The following MTSS1 variants were observed in gnomAD, a reference collection of about 807,000 sequenced individuals.
MTSS1 encodes the protein MTSS I-BAR domain containing 1.
In MTSS1, 18 loss-of-function variants were observed where a neutral mutation model predicts 79.0. The ratio of observed to expected loss-of-function variants is 0.23; its 90% CI spans 0.16 to 0.34. The LOEUF is 0.34. Among genes scored for constraint, MTSS1 ranks in the 10% least tolerant of loss-of-function variants. MTSS1 has a pLI of 1.00. For synonymous variants in MTSS1, 341 were observed against 368.6 expected (o/e 0.93, Z 0.86); for missense variants, 815 against 986.2 (o/e 0.83, Z 2.33).
chr8:124,554,705 G>A (rs144278126), intron 13 of MTSS1, among the ~76,000 whole-genome samples: 1 of 152,280 alleles, frequency 6.6e-6, no homozygotes, highest in Non-Finnish European at 1.5e-5. Context: ...CTACTTATTG[G>A]TTGTGTGAAT....
chr8:124,612,075 A>T (rs1053149523), intron 3 of MTSS1, among the ~76,000 whole-genome samples: 5 of 143,310 alleles, frequency 3.5e-5, no homozygotes, highest in African/African-American at 1.5e-4. Context: ...GTACTTAATT[A>T]GCAAACTTTA....
intron 3 of MTSS1, among the ~76,000 whole-genome samples, chr8:124,622,884 A>G (rs1813876954): frequency 6.6e-6 from 1 of 152,162 alleles, no homozygotes; most frequent in East Asian, 1.9e-4. Context: ...TCAAAACTTC[A>G]TGTTGTACAC....
At chr8:124,707,601 C>T (rs1384119078) in intron 1 of MTSS1, among the ~76,000 whole-genome samples, 4 of 151,848 alleles carry the variant, frequency 2.6e-5, no homozygotes, top group Admixed American at 6.6e-5. Context: ...CCCAGCTACT[C>T]GGGAGGCTGA....
chr8:124,596,150 C>T (rs773426723), intron 3 of MTSS1, among the ~76,000 whole-genome samples: 9 of 152,218 alleles, frequency 5.9e-5, no homozygotes, highest in Non-Finnish European at 1.2e-4. Context: ...TGCTCTTCCT[C>T]TGGGCCTGGC....
intron 10 of MTSS1, among the ~76,000 whole-genome samples, chr8:124,559,237 G>T (rs3793397): frequency 0.64 from 96,875 of 151,768 alleles, 31,260 homozygotes; most frequent in East Asian, 0.75. Flanking sequence ...TCCCCAGGGA[G>T]GCCCCGCCTG....
intron 3 of MTSS1, among the ~76,000 whole-genome samples, chr8:124,671,554 C>T (rs775604218): frequency 6.6e-6 from 1 of 152,218 alleles, no homozygotes; most frequent in Non-Finnish European, 1.5e-5. Context: ...GGAAAGATAA[C>T]TTTTCTGAAG....
chr8:124,710,833 G>C (rs558862054), intron 1 of MTSS1, among the ~76,000 whole-genome samples: 6 of 152,304 alleles, frequency 3.9e-5, no homozygotes, highest in African/African-American at 1.4e-4. Context: ...AACTGCCAGA[G>C]AAAGGGCAAC....
intron 3 of MTSS1, among the ~76,000 whole-genome samples, chr8:124,676,167 T>A (rs1825252198): frequency 6.6e-6 from 1 of 152,210 alleles, no homozygotes; most frequent in African/African-American, 2.4e-5. Context: ...TAAAAAGGTA[T>A]TGATTAATAA....
At chr8:124,714,470 GT>G (rs1421405941) in intron 1 of MTSS1, among the ~76,000 whole-genome samples, 1 of 151,976 alleles carries the variant, frequency 6.6e-6, no homozygotes, top group African/African-American at 2.4e-5. Flanking sequence ...TTTTGTTTTT[GT>G]TTTTGTTTTG....
chr8:124,570,189 T>A (rs1322358837), intron 6 of MTSS1, among the ~76,000 whole-genome samples: 4 of 152,216 alleles, frequency 2.6e-5, no homozygotes, highest in Non-Finnish European at 5.9e-5. Flanking sequence ...AAGTTCTAAG[T>A]TAGCACATTA....
Position 124,552,954 on chromosome 8 carries a change from G to T in MTSS1, c.*38C>A, listed in dbSNP as rs1554626323. 2 of 1,579,546 alleles carry T rather than the reference G, an allele frequency of 1.3e-6. No homozygotes were observed. The highest frequency in any genetic ancestry group is 1.7e-6 in the Non-Finnish European group (2 of 1,155,758). ...TCAAGACAAATTAGGTTTTATTAATGAAACAGTTCATTCCCCACCGGCGCA... is the reference window on the plus strand; with the variant it reads ...TCAAGACAAATTAGGTTTTATTAATTAAACAGTTCATTCCCCACCGGCGCA... On this transcript the variant is annotated 3_prime_UTR_variant, in exon 14 of 14. Transcript: ENST00000518547.
intron 5 of MTSS1, among the ~76,000 whole-genome samples, chr8:124,586,753 T>C (rs551173357): frequency 6.6e-6 from 1 of 152,336 alleles, no homozygotes; most frequent in South Asian, 2.1e-4. Context: ...TTAGCAGGTA[T>C]GCAGGCCGGA....
intron 6 of MTSS1, among the ~76,000 whole-genome samples, chr8:124,576,700 T>C (rs1829023924): frequency 6.6e-6 from 1 of 152,192 alleles, no homozygotes; most frequent in Non-Finnish European, 1.5e-5. Context: ...CAATTAGTCC[T>C]ACAAAAACCA....
At chr8:124,678,630 C>T (rs1223558382) in intron 3 of MTSS1, among the ~76,000 whole-genome samples, 1 of 152,186 alleles carries the variant, frequency 6.6e-6, no homozygotes. Flanking sequence ...GAAAACCCAC[C>T]CTTGTGATTC....
chr8:124,619,925 A>C (rs1361137586), intron 3 of MTSS1, among the ~76,000 whole-genome samples: 1 of 136,662 alleles, frequency 7.3e-6, no homozygotes, highest in Non-Finnish European at 1.5e-5. Context: ...AAATTACAGC[A>C]CAACTGTTTT....
intron 3 of MTSS1, among the ~76,000 whole-genome samples, chr8:124,602,698 C>A (rs754608279): frequency 7.9e-5 from 12 of 152,278 alleles, no homozygotes; most frequent in Admixed American, 1.3e-4. Flanking sequence ...GCTAGCCAGA[C>A]CTCGGCTAGA....
intron 1 of MTSS1, among the ~76,000 whole-genome samples, chr8:124,707,416 C>A (rs913452444): frequency 6.8e-4 from 95 of 140,384 alleles, no homozygotes; most frequent in Admixed American, 1.2e-3. Context: ...AACAAACAAA[C>A]AAACAAAAAA....
At chr8:124,570,264 A>G (rs989265637) in intron 6 of MTSS1, among the ~76,000 whole-genome samples, 2 of 152,220 alleles carry the variant, frequency 1.3e-5, no homozygotes, top group Non-Finnish European at 2.9e-5. Flanking sequence ...TACAGTATGG[A>G]CAGCTTTGTG....
chr8:124,663,795 G>A (rs575660562), intron 3 of MTSS1, among the ~76,000 whole-genome samples: 10 of 152,232 alleles, frequency 6.6e-5, no homozygotes, highest in African/African-American at 7.2e-5. Flanking sequence ...TGAGTAAGAC[G>A]TGGTCCCATT....
Sources: gnomAD v4.1 joint callset for allele counts (sites outside exome capture counted in the v4.1 genomes callset) on GRCh38, gnomAD v4.1.1 for gene constraint, MANE v1.5 for transcripts, NCBI Gene and HGNC (gene_info 2026-07-23, HGNC 2026-07-21) for gene names.